The following COL25A1 variants were observed in gnomAD, a reference collection of about 807,000 sequenced individuals.
The protein encoded by COL25A1 is collagen alpha-1(XXV) chain.
Under a neutral mutation model 128.4 loss-of-function variants are expected in COL25A1, and 103 were observed. The observed-to-expected ratio is 0.80, with a 90% CI of 0.68 to 0.94. COL25A1 has a LOEUF of 0.94. Among genes scored for constraint, COL25A1 ranks in the 40% least tolerant of loss-of-function variants. COL25A1 has a pLI of 0.00. For missense variants in COL25A1, 745 were observed against 840.0 expected, an observed-to-expected ratio of 0.89 and a Z score of 1.40; for synonymous variants, 279 against 277.2, an observed-to-expected ratio of 1.01 and a Z score of -0.06.
intron 5 of COL25A1, among the ~76,000 whole-genome samples, chr4:109,018,063 G>A (rs1458113430): frequency 6.6e-6 from 1 of 151,068 alleles, no homozygotes; most frequent in Non-Finnish European, 1.5e-5. Context: ...CAGGTGAAAA[G>A]AAAAGCACCT....
At chr4:109,226,493 A>G (rs984663351) in intron 3 of COL25A1, among the ~76,000 whole-genome samples, 6 of 152,146 alleles carry the variant, frequency 3.9e-5, no homozygotes, top group Admixed American at 2.6e-4. Context: ...TTCAATATCA[A>G]TCAAGGCTTA....
At position 109,009,118 on chromosome 4, in the gene COL25A1, T is replaced by C. The variant is rs1756334373; in HGVS notation, c.438+1240A>G. Among the ~76,000 whole-genome samples the C allele has an allele frequency of 2.0e-5, 3 of 152,102 alleles. No individual in the cohort carries two copies. In the South Asian group the frequency reaches 6.2e-4, roughly 32 times the overall value. ...GCCTGGGCAACAGAGCAAGACTCCGTCTCAGAAAAAACAAAACAAAACAAA... is the reference window on the plus strand; with the variant it reads ...GCCTGGGCAACAGAGCAAGACTCCGCCTCAGAAAAAACAAAACAAAACAAA... On this transcript the variant is annotated intron_variant, in intron 6 of 37. Transcript: ENST00000399132.
chr4:108,926,669 A>T (rs1244887006), intron 11 of COL25A1, among the ~76,000 whole-genome samples: 1 of 152,026 alleles, frequency 6.6e-6, no homozygotes, highest in African/African-American at 2.4e-5. Flanking sequence ...AAGATCACAA[A>T]ATACATAAAC....
rs549587962 is a variant in COL25A1 at position 109,174,208 on chromosome 4, G to C, written c.368-124029C>G. The stretch of plus-strand genomic sequence containing the variant: ...AGTTTTATACCTAAAAACATTAAAA[G>C]TCTGTGAATACAAGTAGCAACCGTG... On this transcript the variant is annotated intron_variant, in intron 3 of 37. Coordinates refer to ENST00000399132, the MANE Select transcript of COL25A1 (RefSeq NM_198721.4). Among the ~76,000 whole-genome samples, 12 of 152,238 alleles carry C rather than the reference G, an allele frequency of 7.9e-5. No homozygotes were observed. In the East Asian group the frequency reaches 2.3e-3, roughly 29 times the overall value.
intron 30 of COL25A1, among the ~76,000 whole-genome samples, chr4:108,842,540 A>T (rs1400226101): frequency 6.6e-6 from 1 of 152,226 alleles, no homozygotes; most frequent in Non-Finnish European, 1.5e-5. Flanking sequence ...CATCAGTAAA[A>T]TTATAAAACT....
intron 5 of COL25A1, among the ~76,000 whole-genome samples, chr4:109,039,689 T>C (rs1170268192): frequency 6.6e-6 from 1 of 152,224 alleles, no homozygotes; most frequent in Non-Finnish European, 1.5e-5. Flanking sequence ...AAAAGTCACG[T>C]CTTATTTGCC....
intron 3 of COL25A1, among the ~76,000 whole-genome samples, chr4:109,186,621 G>A (rs975086160): frequency 6.6e-6 from 1 of 152,144 alleles, no homozygotes; most frequent in African/African-American, 2.4e-5. Flanking sequence ...GCCCTTCTGC[G>A]ATTGCCTTTC....
At chr4:109,282,838 C>T (rs1723507839) in intron 3 of COL25A1, among the ~76,000 whole-genome samples, 1 of 152,162 alleles carries the variant, frequency 6.6e-6, no homozygotes, top group Non-Finnish European at 1.5e-5. Context: ...AGAACACTCG[C>T]TTAAGCTATG....
intron 3 of COL25A1, among the ~76,000 whole-genome samples, chr4:109,289,076 A>G (rs1424498710): frequency 2.6e-5 from 4 of 151,946 alleles, no homozygotes; most frequent in Non-Finnish European, 5.9e-5. Flanking sequence ...TGTAGGAAAA[A>G]ATTTGTACAC....
rs186200886 is a variant in COL25A1, at chr4:108,812,056, G to T, written c.*1871C>A. On this transcript the variant is annotated 3_prime_UTR_variant, in exon 38 of 38. Coordinates refer to ENST00000399132, the MANE Select transcript of COL25A1 (RefSeq NM_198721.4). ...ATTAAATTCTCTAATGGGCTGAAAG[G>T]GTGCCTACTCCTCATTGATAATGTT... The T allele has an allele frequency of 6.6e-6, 1 of 152,076 alleles. No individual in the cohort carries two copies. Among genetic ancestry groups the T allele is most frequent in the Non-Finnish European group, 1.5e-5 (1 of 67,994 alleles). The allele number at this position is 152,076 out of a possible 1,614,324, so 9.4% of individuals were successfully genotyped here.
chr4:108,978,217 T>C (rs1245686369), intron 6 of COL25A1, among the ~76,000 whole-genome samples: 1 of 152,208 alleles, frequency 6.6e-6, no homozygotes, highest in Non-Finnish European at 1.5e-5. Flanking sequence ...ACCTGCCAGC[T>C]TAGGACAGAA....
chr4:109,100,527 G>T (rs1465975471), intron 3 of COL25A1, among the ~76,000 whole-genome samples: 2 of 151,572 alleles, frequency 1.3e-5, no homozygotes, highest in Non-Finnish European at 2.9e-5. Flanking sequence ...CTGTCTGTGG[G>T]TGATTGAAAT....
intron 3 of COL25A1, among the ~76,000 whole-genome samples, chr4:109,126,145 A>T (rs538482044): frequency 3.2e-4 from 48 of 152,242 alleles, no homozygotes; most frequent in African/African-American, 9.9e-4. Flanking sequence ...GGTTTTTTTT[A>T]AATCCCCAAT....
intron 3 of COL25A1, among the ~76,000 whole-genome samples, chr4:109,104,835 AAC>A (rs1766264399): frequency 6.6e-6 from 1 of 152,222 alleles, no homozygotes. Flanking sequence ...AAATATTAAA[AAC>A]ACAATCAGAA....
intron 3 of COL25A1, among the ~76,000 whole-genome samples, chr4:109,254,427 A>G (rs1235803662): frequency 2.8e-5 from 4 of 144,398 alleles, no homozygotes; most frequent in Non-Finnish European, 4.5e-5. Flanking sequence ...CTGCGTTCAC[A>G]TAACAGCAAC....
intron 3 of COL25A1, among the ~76,000 whole-genome samples, chr4:109,081,769 T>C (rs1051403148): frequency 1.3e-5 from 2 of 152,042 alleles, no homozygotes; most frequent in African/African-American, 4.8e-5. Flanking sequence ...AGTGGCACAG[T>C]CTTGGCTCAC....
intron 11 of COL25A1, among the ~76,000 whole-genome samples, chr4:108,924,600 G>A (rs972579313): frequency 6.6e-6 from 1 of 152,062 alleles, no homozygotes; most frequent in Non-Finnish European, 1.5e-5. Context: ...CTACATTCCT[G>A]TTAAACCCAT....
intron 27 of COL25A1, among the ~76,000 whole-genome samples, chr4:108,847,693 TAGAC>T (rs1274095776): frequency 1.3e-5 from 2 of 152,192 alleles, no homozygotes; most frequent in South Asian, 2.1e-4. Flanking sequence ...AGAAGTAACA[TAGAC>T]AGACTTTAAA....
chr4:108,863,329 G>T lies in COL25A1; in HGVS notation c.1142C>A (p.Pro381His). 3 of 1,613,658 alleles carry T rather than the reference G, an allele frequency of 1.9e-6. No individual in the cohort carries two copies. Among genetic ancestry groups the T allele is most frequent in the Non-Finnish European group, 2.5e-6 (3 of 1,179,820 alleles). The change falls in exon 21 of 38, where the codon CCC becomes CAC. Residue 381 changes from proline to histidine, a missense_variant. By Grantham distance (77) the Pro-to-His change is moderately conservative. Around this residue, in one of 3 missense-constraint regions of COL25A1, gnomAD observed 387 missense variants for 441.9 expected, o/e 0.88. Coordinates refer to ENST00000399132, the MANE Select transcript of COL25A1 (RefSeq NM_198721.4). ...TTAAGAATAACTCACCTTTGGTCCG[G>T]GGGCTCCAGGTTCCCCTCGCTCACC... is the stretch of plus-strand genomic sequence containing the variant. ...GRGERGEPGAPGPKGKQGESG... is the reference protein window; with the variant it reads ...GRGERGEPGAHGPKGKQGESG...
Sources: allele counts gnomAD v4.1 joint callset (sites outside exome capture counted in the v4.1 genomes callset), GRCh38; gene constraint gnomAD v4.1.1; regional missense constraint gnomAD v4.1.1; transcripts MANE v1.5; gene names NCBI Gene and HGNC (gene_info 2026-07-23, HGNC 2026-07-21).